SOX6: variants seen among roughly 807,000 people sequenced by gnomAD.
The protein encoded by SOX6 is transcription factor SOX-6.
In SOX6, 11 loss-of-function variants were observed where a neutral mutation model predicts 97.8. That is an observed-to-expected ratio of 0.11 (90% CI 0.07 to 0.19). SOX6 has a LOEUF of 0.19. SOX6 is among the 10% of genes least tolerant of loss of function. SOX6 has a pLI of 1.00. For synonymous variants in SOX6, 360 were observed against 371.4 expected (o/e 0.97, Z 0.35); for missense variants, 810 against 1,039.5 (o/e 0.78, Z 3.04).
At chr11:16,545,073 T>C (rs776080360) in intron 4 of SOX6, among the ~76,000 whole-genome samples, 1 of 151,534 alleles carries the variant, frequency 6.6e-6, no homozygotes, top group South Asian at 2.1e-4. Context: ...TAAAAACTCA[T>C]AGAGAGGAAG....
At chr11:16,383,551 G>T (rs191747429) in intron 1 of SOX6, among the ~76,000 whole-genome samples, 22 of 151,988 alleles carry the variant, frequency 1.4e-4, no homozygotes, top group African/African-American at 4.8e-4. Context: ...CAACTTGCTG[G>T]AGTGTTGCAG....
chr11:16,325,330 C>A, intron 2 of SOX6, among the ~76,000 whole-genome samples: 1 of 152,212 alleles, frequency 6.6e-6, no homozygotes, highest in African/African-American at 2.4e-5. Context: ...CTCCCCCACA[C>A]ACAAACATAC....
intron 3 of SOX6, among the ~76,000 whole-genome samples, chr11:16,247,452 A>G (rs956946496): frequency 6.6e-6 from 1 of 152,090 alleles, no homozygotes; most frequent in Admixed American, 6.5e-5. Flanking sequence ...ACTGCCCGAG[A>G]CTGGGTAATT....
intron 3 of SOX6, among the ~76,000 whole-genome samples, chr11:16,296,055 A>G (rs751310759): frequency 6.6e-6 from 1 of 152,124 alleles, no homozygotes; most frequent in Non-Finnish European, 1.5e-5. Context: ...ATACATACAT[A>G]ATTACCTCTT....
At chr11:16,260,966 C>G (rs1267731972) in intron 3 of SOX6, among the ~76,000 whole-genome samples, 1 of 152,152 alleles carries the variant, frequency 6.6e-6, no homozygotes, top group African/African-American at 2.4e-5. Context: ...TCTCTTGTGA[C>G]CTTCACACAT....
chr11:16,495,382 C>T (rs1661212282), intron 4 of SOX6, among the ~76,000 whole-genome samples: 2 of 152,182 alleles, frequency 1.3e-5, no homozygotes, highest in South Asian at 2.1e-4. Context: ...TATGTACCAC[C>T]AAGGGGGACT....
At chr11:16,630,991 G>T (rs544175186) in intron 3 of SOX6, among the ~76,000 whole-genome samples, 2 of 152,198 alleles carry the variant, frequency 1.3e-5, no homozygotes, top group South Asian at 2.1e-4. Context: ...TGTGTGAGAT[G>T]GGTGTCTTCA....
At chr11:16,494,325 G>A (rs1860559368) in intron 4 of SOX6, among the ~76,000 whole-genome samples, 1 of 152,248 alleles carries the variant, frequency 6.6e-6, no homozygotes, top group South Asian at 2.1e-4. Context: ...GCAGTGAGCT[G>A]AGATCCCGCC....
chr11:16,414,435 T>C (rs971595315), intron 1 of SOX6, among the ~76,000 whole-genome samples: 4 of 152,034 alleles, frequency 2.6e-5, no homozygotes, highest in Non-Finnish European at 5.9e-5. Context: ...ATGAAAAGAA[T>C]TGGGAATATG....
At chr11:16,612,405 C>G (rs1050279464) in intron 3 of SOX6, 1 of 152,286 alleles carries the variant, frequency 6.6e-6, no homozygotes, top group African/African-American at 2.4e-5. Context: ...GTAATTACCA[C>G]CATAGAATTA....
At chr11:16,210,687 C>A (rs190841200) in intron 4 of SOX6, among the ~76,000 whole-genome samples, 1 of 152,274 alleles carries the variant, frequency 6.6e-6, no homozygotes, top group Admixed American at 6.5e-5. Context: ...AAACAGCCTT[C>A]TCTCACACTC....
At chr11:15,985,230 A>G (rs1339681750) in intron 15 of SOX6, among the ~76,000 whole-genome samples, 2 of 152,202 alleles carry the variant, frequency 1.3e-5, no homozygotes, top group Admixed American at 1.3e-4. Context: ...AAAAGTGAAT[A>G]GCTCTTGGCT....
At chr11:16,427,118 A>T (rs1859157437) in intron 1 of SOX6, among the ~76,000 whole-genome samples, 1 of 152,088 alleles carries the variant, frequency 6.6e-6, no homozygotes, top group South Asian at 2.1e-4. Flanking sequence ...GCAAAAATTG[A>T]CAAATGGGAT....
At chr11:16,522,409 C>A (rs1861083520) in intron 4 of SOX6, among the ~76,000 whole-genome samples, 1 of 151,750 alleles carries the variant, frequency 6.6e-6, no homozygotes, top group Non-Finnish European at 1.5e-5. Context: ...GAAATAAAAT[C>A]CTTTACAGAG....
intron 4 of SOX6, among the ~76,000 whole-genome samples, chr11:16,501,331 A>G (rs1192610909): frequency 3.8e-5 from 4 of 105,106 alleles, no homozygotes; most frequent in Non-Finnish European, 9.1e-5. Flanking sequence ...AAAGACTTAA[A>G]TGTTAGACCT....
In SOX6 at chr11:16,490,628, T is replaced by C. The variant is rs1860497130; in HGVS notation, n.610-14240A>G. Reference sequence around the variant, plus strand: ...AAGATAATAGTAACAGTAATAGTAATGATTAAAAAGTCAATTCATCAATAA... The same window carrying C: ...AAGATAATAGTAACAGTAATAGTAACGATTAAAAAGTCAATTCATCAATAA... On this transcript the variant is annotated intron_variant and non_coding_transcript_variant, in intron 4 of 5. Transcript: ENST00000524520. Among the ~76,000 whole-genome samples, 4 of 152,136 alleles carry C rather than the reference T, an allele frequency of 2.6e-5. No individual in the cohort carries two copies. The South Asian group carries it at 8.3e-4, about 32-fold the overall frequency.
intron 3 of SOX6, among the ~76,000 whole-genome samples, chr11:16,624,988 AT>A (rs1848603231): frequency 6.6e-6 from 1 of 152,040 alleles, no homozygotes; most frequent in Admixed American, 6.5e-5. Flanking sequence ...GTCTAATTTT[AT>A]TGAGTTGTAG....
chr11:16,303,862 T>C (rs534537961), intron 3 of SOX6, among the ~76,000 whole-genome samples: 1 of 152,330 alleles, frequency 6.6e-6, no homozygotes, highest in East Asian at 1.9e-4. Flanking sequence ...CCTAAGCATA[T>C]CATTTTATTT....
chr11:16,589,427 A>G (rs942737583), intron 4 of SOX6, among the ~76,000 whole-genome samples: 1 of 152,246 alleles, frequency 6.6e-6, no homozygotes, highest in Non-Finnish European at 1.5e-5. Context: ...GAATGATTGT[A>G]GATAATATAA....
Sources: allele counts gnomAD v4.1 joint callset (sites outside exome capture counted in the v4.1 genomes callset), GRCh38; gene constraint gnomAD v4.1.1; transcripts MANE v1.5; gene names NCBI Gene and HGNC (gene_info 2026-07-23, HGNC 2026-07-21).